Variants in MLN observed in about 807,000 individuals in gnomAD.
MLN encodes promotilin.
A neutral mutation model predicts 13.3 loss-of-function variants in MLN; 14 were observed. The observed-to-expected ratio is 1.05, with a 90% confidence interval of 0.69 to 1.64. The LOEUF is 1.64. Ranked by LOEUF, MLN falls within the 40% of genes most tolerant of loss-of-function variation. The pLI is 0.00. For synonymous variants in MLN, 59 were observed against 54.7 expected (o/e 1.08, Z -0.34); for missense variants, 122 against 142.9 (o/e 0.85, Z 0.75).
In MLN at chr6:33,799,105, C is replaced by T. The variant is rs1395423140; in HGVS notation, c.234G>A (p.Lys78=). Residue 78 remains lysine (K), a splice_region_variant and synonymous_variant, in exon 3 of 5, where the codon AAG becomes AAA. Coordinates refer to ENST00000430124, the MANE Select transcript of MLN (RefSeq NM_002418.3). This position sits in a 1 kb window ranked among gnomAD's most constrained non-coding sequence, Gnocchi z 4.6. ...PIREEENEMI[K]LTAPLEIGMR... The stretch of plus-strand genomic sequence containing the variant: ...TCCTTTGTCCCAGTTGTCTGCTCAC[C>T]TTGATCATTTCGTTTTCTTCTTCCC... The T allele has an allele frequency of 6.3e-7, 1 of 1,599,794 alleles. No homozygotes were observed. The highest frequency in any genetic ancestry group is 1.7e-5 in the Admixed American group (1 of 59,724).
Position 33,794,922 on chromosome 6 carries a change from G to A in MLN, c.338-87C>T, listed in dbSNP as rs367968436. On this transcript the variant is annotated intron_variant, in intron 4 of 4. Transcript: ENST00000430124. Reference sequence around the variant, plus strand: ...CTAAAACTTGCCTGCAGGTCGGAGGGAGGAGGGGGCACAAGGGCAGGCTGG... The same window carrying A: ...CTAAAACTTGCCTGCAGGTCGGAGGAAGGAGGGGGCACAAGGGCAGGCTGG... 2.8e-5 allele frequency: 43 copies of A among 1,548,818 alleles called. No individual in the cohort carries two copies. The African/African-American group carries it at 5.2e-4, about 19-fold the overall frequency.
chr6:33,801,506 G>A (rs1482178099), intron 1 of MLN, among the ~76,000 whole-genome samples: 1 of 152,206 alleles, frequency 6.6e-6, no homozygotes, highest in Non-Finnish European at 1.5e-5. Context: ...TAAGGCAGGA[G>A]GGACCTCATC....
In MLN at chr6:33,795,597, AG is replaced by A. The variant is rs1767896519; in HGVS notation, c.242del (p.Ala81ValfsTer7). 2 of 1,556,526 alleles carry A rather than the reference AG, an allele frequency of 1.3e-6. No homozygotes were observed. The highest frequency in any genetic ancestry group is 1.7e-6 in the Non-Finnish European group (2 of 1,149,030). ...TCATCCTCATTCCAATTTCCAGAGG[AG>A]CAGTCAGCTGTGAAATAAGGCAGCG... ...EEENEMIKLT[A>X]PLEIGMRMNS... is the part of the protein sequence containing the mutation. On this transcript the variant is annotated frameshift_variant, in exon 4 of 5. Transcript: ENST00000430124. LOFTEE classifies it high-confidence loss of function.
At chr6:33,798,182 T>A (rs929611770) in intron 3 of MLN, among the ~76,000 whole-genome samples, 30 of 152,166 alleles carry the variant, frequency 2.0e-4, no homozygotes, top group African/African-American at 6.5e-4. Flanking sequence ...TGTCATTGCC[T>A]GCCACACTGC....
chr6:33,801,204 T>C (rs989179889), intron 1 of MLN, 34 bp from the exon 2 acceptor site: 9 of 1,543,072 alleles, frequency 5.8e-6, no homozygotes, highest in African/African-American at 1.4e-5. Flanking sequence ...GTCACTAAGT[T>C]TGGGGTACAG....
rs1760881879 is a variant in MLN at position 33,803,072 on chromosome 6, A to G, written c.-8+881T>C. ...CCAACTGGCAGTCGGCATGTCACCTACGTTCATGTGTGTTCTGGTGAGCTG... is the reference window on the plus strand; with the variant it reads ...CCAACTGGCAGTCGGCATGTCACCTGCGTTCATGTGTGTTCTGGTGAGCTG... On this transcript the variant is annotated intron_variant, in intron 1 of 4. Transcript: ENST00000430124. The surrounding 1 kb of genome is among the most constrained non-coding windows in gnomAD (Gnocchi z 4.5). 1.3e-5 allele frequency among the ~76,000 whole-genome samples: 2 copies of G among 152,150 alleles called. No homozygotes were observed. Among genetic ancestry groups the G allele is most frequent in the Non-Finnish European group, 2.9e-5 (2 of 68,022 alleles).
chr6:33,796,552 G>GC (rs2127387135), intron 3 of MLN, among the ~76,000 whole-genome samples: 1 of 151,638 alleles, frequency 6.6e-6, no homozygotes, highest in East Asian at 1.9e-4. Flanking sequence ...GAGACTCCTG[G>GC]CCTCTCGGGA....
intron 1 of MLN, among the ~76,000 whole-genome samples, chr6:33,802,608 C>T (rs1483041877): frequency 6.6e-6 from 1 of 152,228 alleles, no homozygotes; most frequent in East Asian, 1.9e-4. Context: ...CTTCTTCCCA[C>T]TTCCTATTTT....
At chr6:33,802,620 T>G (rs1760871474) in intron 1 of MLN, among the ~76,000 whole-genome samples, 1 of 152,144 alleles carries the variant, frequency 6.6e-6, no homozygotes, top group South Asian at 2.1e-4. Flanking sequence ...TCCTATTTTC[T>G]CTCCATTTTG....
At chr6:33,802,981 A>G (rs1760880311) in intron 1 of MLN, among the ~76,000 whole-genome samples, 1 of 152,174 alleles carries the variant, frequency 6.6e-6, no homozygotes, top group Non-Finnish European at 1.5e-5. Context: ...AATTCACTCC[A>G]TAGGAATCAA....
chr6:33,802,353 C>T (rs1760862509), intron 1 of MLN, among the ~76,000 whole-genome samples: 1 of 152,148 alleles, frequency 6.6e-6, no homozygotes, highest in Non-Finnish European at 1.5e-5. Flanking sequence ...GAGGTAGTTA[C>T]AAGGTTTCAG....
rs1767996239 is a variant in MLN at position 33,799,333 on chromosome 6, C to CT, written c.118-113dup. ...CTGTCTGCCCTGAGCTCCCTACAGA[C>CT]TGAAAGAACCCTTTCCTCCAGGAGC... On this transcript the variant is annotated intron_variant, in intron 2 of 4. Coordinates refer to ENST00000430124, the MANE Select transcript of MLN (RefSeq NM_002418.3). The surrounding 1 kb of genome is among the most constrained non-coding windows in gnomAD (Gnocchi z 4.6). 1 of 656,716 alleles carries CT rather than the reference C, an allele frequency of 1.5e-6. No individual in the cohort carries two copies. The highest frequency in any genetic ancestry group is 2.6e-5 in the Admixed American group (1 of 39,044). 40.7% of individuals were successfully genotyped at this position (656,716 alleles called of 1,614,324 possible). A position where few individuals can be genotyped will look rare whatever the true frequency, so the allele number is the denominator to read the frequency against.
chr6:33,799,319 G>C lies in MLN; in HGVS notation c.118-98C>G. ...ATCTGCCCAGGGTGCTGTCTGCCCTGAGCTCCCTACAGACTGAAAGAACCC... is the reference window on the plus strand; with the variant it reads ...ATCTGCCCAGGGTGCTGTCTGCCCTCAGCTCCCTACAGACTGAAAGAACCC... On this transcript the variant is annotated intron_variant, in intron 2 of 4. Coordinates refer to ENST00000430124, the MANE Select transcript of MLN (RefSeq NM_002418.3). The surrounding 1 kb of genome is among the most constrained non-coding windows in gnomAD (Gnocchi z 4.6). The C allele has an allele frequency of 1.3e-6, 1 of 793,524 alleles. No homozygotes were observed. Among genetic ancestry groups the C allele is most frequent in the Non-Finnish European group, 2.1e-6 (1 of 476,084 alleles). 49.2% of individuals were successfully genotyped at this position (793,524 alleles called of 1,614,324 possible). A position where few individuals can be genotyped will look rare whatever the true frequency, so the allele number is the denominator to read the frequency against.
intron 3 of MLN, 48 bp from the exon 4 acceptor site, chr6:33,795,653 C>T (rs1198147090): frequency 6.7e-7 from 1 of 1,503,722 alleles, no homozygotes; most frequent in South Asian, 1.2e-5. Flanking sequence ...GGAGAGGGCC[C>T]TTAACCCCTG....
At chr6:33,795,948 C>T (rs971037130) in intron 3 of MLN, among the ~76,000 whole-genome samples, 6 of 149,854 alleles carry the variant, frequency 4.0e-5, no homozygotes, top group Admixed American at 1.4e-4. Context: ...GAGTCTTACC[C>T]TTATTCTAAG....
rs537130760 is a variant in MLN, at chr6:33,795,551, A to G, written c.289T>C (p.Tyr97His). Reference protein sequence around the residue: ...MRMNSRQLEKYPATLEGLLSE... With the variant: ...MRMNSRQLEKHPATLEGLLSE... ...AGCAGCCCTTCCAGGGTGGCCGGGT[A>G]CTTTTCCAGCTGTCTGGAGTTCATC... Residue 97 changes from tyrosine to histidine, a missense_variant, in exon 4 of 5, where the codon TAC becomes CAC. By Grantham distance (83) the Tyr-to-His change is moderately conservative (BLOSUM62 2). Transcript: ENST00000430124. 1.4e-5 allele frequency: 22 copies of G among 1,567,638 alleles called. No homozygotes were observed. The highest frequency in any genetic ancestry group is 1.9e-5 in the Non-Finnish European group (22 of 1,154,618).
chr6:33,798,623 G>A (rs1341881813), intron 3 of MLN, among the ~76,000 whole-genome samples: 9 of 152,194 alleles, frequency 5.9e-5, no homozygotes, highest in Non-Finnish European at 1.2e-4. Context: ...CCCCAGTGGC[G>A]CTGCATGCAG....
intron 3 of MLN, 38 bp from the exon 4 acceptor site, chr6:33,795,643 G>A (rs922595572): frequency 1.3e-6 from 2 of 1,529,402 alleles, no homozygotes; most frequent in African/African-American, 1.4e-5. Flanking sequence ...AGGGAGAGGT[G>A]GAGAGGGCCC....
In MLN at chr6:33,799,034, G is replaced by C. The variant is rs1249353656; in HGVS notation, c.234+71C>G. On this transcript the variant is annotated intron_variant, in intron 3 of 4. Transcript: ENST00000430124. The surrounding 1 kb of genome is among the most constrained non-coding windows in gnomAD (Gnocchi z 4.6). The stretch of plus-strand genomic sequence containing the variant: ...AGGCTCACTGTGGCTTGTGGGCTCT[G>C]CCTCCAGGCCAGGCAGGGGAATGCA... The C allele has an allele frequency of 4.5e-6, 5 of 1,106,980 alleles. No homozygotes were observed. Among genetic ancestry groups the C allele is most frequent in the Non-Finnish European group, 6.7e-6 (5 of 742,370 alleles). The allele number at this position is 1,106,980 out of a possible 1,614,324, so 68.6% of individuals were successfully genotyped here.
Sources: gnomAD v4.1 joint callset for allele counts (sites outside exome capture counted in the v4.1 genomes callset) on GRCh38, gnomAD v4.1.1 for gene constraint, Gnocchi (gnomAD v3.1) non-coding constraint, MANE v1.5 for transcripts, NCBI Gene and HGNC (gene_info 2026-07-23, HGNC 2026-07-21) for gene names.